Variants in SORCS1 observed in about 807,000 individuals in gnomAD.
SORCS1 encodes the protein VPS10 domain-containing receptor SorCS1.
A neutral mutation model predicts 146.1 loss-of-function variants in SORCS1; 60 were observed. That is an observed-to-expected ratio of 0.41 (90% CI 0.33 to 0.51). The LOEUF is 0.51. Among genes scored for constraint, SORCS1 ranks in the 20% least tolerant of loss-of-function variants. The pLI is 0.21. For synonymous variants in SORCS1, 637 were observed against 584.0 expected (o/e 1.09, Z -1.31); for missense variants, 1,352 against 1,487.6 (o/e 0.91, Z 1.50).
At chr10:106,927,383 G>A (rs886477104) in intron 2 of SORCS1, among the ~76,000 whole-genome samples, 3 of 152,066 alleles carry the variant, frequency 2.0e-5, no homozygotes, top group Non-Finnish European at 2.9e-5. Context: ...CGGTGGGTTC[G>A]TGGTCTCGTT....
chr10:106,670,466 C>G (rs1286221435), intron 16 of SORCS1, among the ~76,000 whole-genome samples: 1 of 152,196 alleles, frequency 6.6e-6, no homozygotes, highest in Non-Finnish European at 1.5e-5. Flanking sequence ...CATCCTTGCT[C>G]TGAGTTCAGC....
chr10:106,631,137 A>T (rs917680473), intron 18 of SORCS1, among the ~76,000 whole-genome samples: 1 of 152,246 alleles, frequency 6.6e-6, no homozygotes, highest in South Asian at 2.1e-4. Flanking sequence ...AAAGAAAAGC[A>T]GTTCAAATCC....
intron 2 of SORCS1, among the ~76,000 whole-genome samples, chr10:106,948,662 A>C (rs913587423): frequency 6.6e-6 from 1 of 151,996 alleles, no homozygotes; most frequent in Non-Finnish European, 1.5e-5. Flanking sequence ...TTAAAAAAAA[A>C]AAAAAATTAA....
intron 3 of SORCS1, among the ~76,000 whole-genome samples, chr10:106,782,785 A>G (rs1274627784): frequency 3.3e-5 from 5 of 152,234 alleles, no homozygotes; most frequent in African/African-American, 1.2e-4. Flanking sequence ...CTGAACTTCT[A>G]TAAAGGAAAT....
chr10:106,840,863 AT>A (rs59611702), intron 2 of SORCS1, among the ~76,000 whole-genome samples: 8,165 of 123,966 alleles, frequency 0.066, 345 homozygotes, highest in African/African-American at 0.11. Flanking sequence ...ATATATATAT[AT>A]TTTTTTTTTT....
chr10:106,786,279 C>T (rs1043932076), intron 3 of SORCS1, among the ~76,000 whole-genome samples: 2 of 152,130 alleles, frequency 1.3e-5, no homozygotes, highest in Non-Finnish European at 2.9e-5. Flanking sequence ...AGTAGGTAGT[C>T]TCAAATCCAC....
At chr10:107,174,231 A>C in the SORCS1 span, among the ~76,000 whole-genome samples, 2 of 152,058 alleles carry the variant, frequency 1.3e-5, no homozygotes, top group African/African-American at 4.8e-5. Context: ...TTTGAGATGG[A>C]GTCTTGCTCT....
chr10:106,867,839 A>G (rs1459675275), intron 2 of SORCS1, among the ~76,000 whole-genome samples: 1 of 152,198 alleles, frequency 6.6e-6, no homozygotes, highest in Non-Finnish European at 1.5e-5. Context: ...CAATGACAGG[A>G]TCAAATCCAC....
At chr10:106,609,487 T>G (rs943493049) in intron 22 of SORCS1, among the ~76,000 whole-genome samples, 2 of 152,216 alleles carry the variant, frequency 1.3e-5, no homozygotes, top group African/African-American at 4.8e-5. Context: ...TAGTGTACAC[T>G]TGCCAATGTG....
At chr10:106,689,579 AG>A (rs1048475352) in intron 9 of SORCS1, among the ~76,000 whole-genome samples, 2 of 152,216 alleles carry the variant, frequency 1.3e-5, no homozygotes, top group African/African-American at 4.8e-5. Flanking sequence ...TAAGCAGAAT[AG>A]TGAAGCAATT....
At chr10:106,984,550 C>A (rs978136473) in intron 1 of SORCS1, among the ~76,000 whole-genome samples, 1 of 151,810 alleles carries the variant, frequency 6.6e-6, no homozygotes, top group Admixed American at 6.6e-5. Flanking sequence ...CCCTCCACCA[C>A]GCCCAGCTAA....
chr10:107,175,051 T>G, the SORCS1 span, among the ~76,000 whole-genome samples: 1 of 152,222 alleles, frequency 6.6e-6, no homozygotes, highest in Middle Eastern at 3.2e-3. Flanking sequence ...CTCTGTTCTG[T>G]CAATATTAAC....
chr10:106,862,440 C>A (rs1315966305), intron 2 of SORCS1, among the ~76,000 whole-genome samples: 5 of 151,880 alleles, frequency 3.3e-5, no homozygotes, highest in Admixed American at 3.3e-4. Flanking sequence ...CCTAAAAATC[C>A]TAGAAAATTA....
At chr10:106,945,436 G>T (rs908786530) in intron 2 of SORCS1, among the ~76,000 whole-genome samples, 2 of 152,102 alleles carry the variant, frequency 1.3e-5, no homozygotes, top group African/African-American at 2.4e-5. Flanking sequence ...TGACATAAAA[G>T]GACAATCCAA....
intron 1 of SORCS1, among the ~76,000 whole-genome samples, chr10:107,024,251 C>G (rs1204469439): frequency 6.6e-6 from 1 of 151,640 alleles, no homozygotes; most frequent in Non-Finnish European, 1.5e-5. Context: ...AGCATGGCAC[C>G]AGCACCTTCT....
intron 3 of SORCS1, among the ~76,000 whole-genome samples, chr10:106,789,777 G>A (rs1275610533): frequency 6.6e-6 from 1 of 152,202 alleles, no homozygotes; most frequent in Non-Finnish European, 1.5e-5. Flanking sequence ...ACTCTCTGCA[G>A]TACCAATTCA....
At chr10:106,886,904 T>A (rs1334451762) in intron 2 of SORCS1, among the ~76,000 whole-genome samples, 1 of 152,246 alleles carries the variant, frequency 6.6e-6, no homozygotes, top group Non-Finnish European at 1.5e-5. Context: ...TAAGCTATCA[T>A]GTGCCCAGGA....
chr10:106,672,864 C>T lies in SORCS1; in HGVS notation c.2058+4G>A, dbSNP rs1350445969. The T allele has an allele frequency of 5.0e-6, 8 of 1,612,574 alleles. No homozygotes were observed. The highest frequency in any genetic ancestry group is 5.9e-6 in the Non-Finnish European group (7 of 1,178,756). ...GGCCTTAGTCTCAGTTCTTTTCCTC[C>T]TACCTGGCTGTGCAGCTGCCAAGGT... On this transcript the variant is annotated splice_donor_region_variant and intron_variant, in intron 15 of 25. Coordinates refer to ENST00000263054, the MANE Select transcript of SORCS1 (RefSeq NM_052918.5).
intron 2 of SORCS1, among the ~76,000 whole-genome samples, chr10:106,864,141 C>T (rs1239536696): frequency 6.6e-6 from 1 of 152,190 alleles, no homozygotes; most frequent in African/African-American, 2.4e-5. Flanking sequence ...AGGTAGTGTG[C>T]TTGGCTGTCA....
Sources: allele counts gnomAD v4.1 joint callset (sites outside exome capture counted in the v4.1 genomes callset), GRCh38; gene constraint gnomAD v4.1.1; transcripts MANE v1.5; gene names NCBI Gene and HGNC (gene_info 2026-07-23, HGNC 2026-07-21).